The following NAALADL2 variants were observed in gnomAD, a reference collection of about 807,000 sequenced individuals.
NAALADL2 encodes N-acetylated alpha-linked acidic dipeptidase like 2, also known as inactive N-acetylated-alpha-linked acidic dipeptidase-like protein 2.
Under a neutral mutation model 87.2 loss-of-function variants are expected in NAALADL2, and 76 were observed. That is an observed-to-expected ratio of 0.87 (90% CI 0.72 to 1.05). The LOEUF (loss-of-function observed/expected upper bound fraction) is 1.05. Ranked by LOEUF, NAALADL2 falls within the 50% of genes least tolerant of loss-of-function variation. The pLI, the probability that NAALADL2 is intolerant of heterozygous loss-of-function variation, is 0.00. For missense variants in NAALADL2, 1,089 were observed against 945.8 expected (o/e 1.15, Z -1.99); for synonymous variants, 354 against 331.0 (o/e 1.07, Z -0.75).
chr3:174,592,955 G>C (rs771210506), intron 2 of NAALADL2, among the ~76,000 whole-genome samples: 1 of 152,040 alleles, frequency 6.6e-6, no homozygotes, highest in Non-Finnish European at 1.5e-5. Flanking sequence ...AAGAAAGGAA[G>C]AGGTAGAGAG....
chr3:175,249,494 C>T (rs945104162), intron 3 of NAALADL2, among the ~76,000 whole-genome samples: 1 of 152,034 alleles, frequency 6.6e-6, no homozygotes, highest in African/African-American at 2.4e-5. Context: ...TATTCTCTAT[C>T]ACTGATGATA....
At chr3:174,837,688 G>A (rs1323103400) in intron 3 of NAALADL2, among the ~76,000 whole-genome samples, 1 of 152,006 alleles carries the variant, frequency 6.6e-6, no homozygotes, top group East Asian at 1.9e-4. Flanking sequence ...CAGCTACTCG[G>A]GAGGCTGAGG....
At chr3:175,631,531 G>A (rs188050319) in intron 11 of NAALADL2, among the ~76,000 whole-genome samples, 23 of 150,926 alleles carry the variant, frequency 1.5e-4, no homozygotes, top group East Asian at 9.8e-4. Context: ...AGAAAGTAAC[G>A]AATGAGGCTC....
chr3:174,987,994 A>G (rs983566122), intron 1 of NAALADL2, among the ~76,000 whole-genome samples: 3 of 151,532 alleles, frequency 2.0e-5, no homozygotes, highest in East Asian at 1.9e-4. Flanking sequence ...GACCATAGCA[A>G]TGTATTTGAT....
intron 1 of NAALADL2, among the ~76,000 whole-genome samples, chr3:174,896,605 A>C (rs1283173873): frequency 6.6e-6 from 1 of 152,200 alleles, no homozygotes; most frequent in African/African-American, 2.4e-5. Context: ...AGCACTTTAC[A>C]GATTCAATGT....
intron 2 of NAALADL2, among the ~76,000 whole-genome samples, chr3:175,142,038 A>C (rs962324325): frequency 6.6e-6 from 1 of 152,108 alleles, no homozygotes; most frequent in African/African-American, 2.4e-5. Flanking sequence ...TAGGAGTTCC[A>C]GAAGTCTTAT....
At chr3:175,195,008 TTTAAC>T (rs1286176951) in intron 2 of NAALADL2, among the ~76,000 whole-genome samples, 2 of 151,590 alleles carry the variant, frequency 1.3e-5, no homozygotes, top group African/African-American at 4.8e-5. Flanking sequence ...TAAGTGGAAC[TTTAAC>T]TTAATTTTTA....
intron 3 of NAALADL2, among the ~76,000 whole-genome samples, chr3:174,843,148 T>G (rs897624160): frequency 5.3e-5 from 8 of 152,140 alleles, no homozygotes; most frequent in African/African-American, 1.9e-4. Context: ...TGTAATACAT[T>G]ATACGATATT....
chr3:175,461,002 G>A (rs1277457864), intron 6 of NAALADL2, among the ~76,000 whole-genome samples: 1 of 152,194 alleles, frequency 6.6e-6, no homozygotes, highest in Middle Eastern at 3.2e-3. Context: ...TTTACTGAGT[G>A]CTGATTGGTC....
intron 2 of NAALADL2, among the ~76,000 whole-genome samples, chr3:174,601,738 AG>A (rs1217461128): frequency 6.6e-6 from 1 of 151,950 alleles, no homozygotes; most frequent in Non-Finnish European, 1.5e-5. Context: ...TGTCCTGGAG[AG>A]TTTCTCCAAT....
At chr3:175,182,297 G>C (rs944165807) in intron 2 of NAALADL2, among the ~76,000 whole-genome samples, 5 of 151,914 alleles carry the variant, frequency 3.3e-5, no homozygotes, top group African/African-American at 1.2e-4. Flanking sequence ...TTGGATACTA[G>C]CTCTTTACCA....
intron 12 of NAALADL2, among the ~76,000 whole-genome samples, chr3:175,737,714 GTT>G (rs71164650): frequency 0.034 from 1,867 of 54,426 alleles, 17 homozygotes; most frequent in South Asian, 0.074. Context: ...CAATGATCCA[GTT>G]TTTTTTTTTT....
At chr3:175,740,119 C>G (rs183961553) in intron 12 of NAALADL2, among the ~76,000 whole-genome samples, 249 of 151,652 alleles carry the variant, frequency 1.6e-3, no homozygotes, top group African/African-American at 5.8e-3. Context: ...GAGGAGTGGC[C>G]AAAAAATAAT....
intron 3 of NAALADL2, among the ~76,000 whole-genome samples, chr3:175,248,485 C>G (rs1198706579): frequency 6.6e-6 from 1 of 152,078 alleles, no homozygotes; most frequent in Non-Finnish European, 1.5e-5. Context: ...GAGTCCCTAG[C>G]TAATTTCAAC....
intron 1 of NAALADL2, among the ~76,000 whole-genome samples, chr3:174,471,981 A>G (rs1041832988): frequency 6.6e-6 from 1 of 152,138 alleles, no homozygotes; most frequent in Non-Finnish European, 1.5e-5. Flanking sequence ...TCTAAATAAT[A>G]ATTTTTAAAA....
rs971229031 is a variant in NAALADL2, at chr3:174,610,723, G to T, written c.-115+60086G>T. ...ACACTTTTACACTGTTGTTGGGACC[G>T]TAAACTAGTTCAACCATTGTGCAAT... On this transcript the variant is annotated intron_variant, in intron 2 of 3. Transcript: ENST00000434257. Among the ~76,000 whole-genome samples the T allele has an allele frequency of 3.2e-5, 4 of 123,822 alleles. No homozygotes were observed. In the East Asian group the frequency reaches 1.2e-3, roughly 36 times the overall value. The allele number at this position is 123,822 out of a possible 152,430, so 81.2% of individuals were successfully genotyped here.
chr3:175,383,137 T>C (rs1204250793), intron 5 of NAALADL2, among the ~76,000 whole-genome samples: 1 of 152,064 alleles, frequency 6.6e-6, no homozygotes, highest in Non-Finnish European at 1.5e-5. Flanking sequence ...ATAAGAGTAA[T>C]TGGGATATCA....
At position 174,997,173 on chromosome 3, in the gene NAALADL2, CT is replaced by C. The variant is rs533382734; in HGVS notation, c.44-99610del. On this transcript the variant is annotated intron_variant, in intron 1 of 13. Coordinates refer to ENST00000454872, the MANE Select transcript of NAALADL2 (RefSeq NM_207015.3). The stretch of plus-strand genomic sequence containing the variant: ...TGCATGTGTCTTTTTCATATAATGA[CT>C]TTTTTTCCTTTGGATAGATATCCAG... Among the ~76,000 whole-genome samples the C allele has an allele frequency of 2.0e-3, 301 of 151,828 alleles. 4 individuals are homozygous for C. Among genetic ancestry groups the C allele is most frequent in the African/African-American group, 6.1e-3 (254 of 41,418 alleles).
chr3:175,019,161 G>T (rs1300862027), intron 1 of NAALADL2, among the ~76,000 whole-genome samples: 1 of 151,896 alleles, frequency 6.6e-6, no homozygotes, highest in East Asian at 1.9e-4. Context: ...CAGTTATGTG[G>T]ACTATGCTGC....
Sources: gnomAD v4.1 joint callset for allele counts (sites outside exome capture counted in the v4.1 genomes callset) on GRCh38, gnomAD v4.1.1 for gene constraint, MANE v1.5 for transcripts, NCBI Gene and HGNC (gene_info 2026-07-23, HGNC 2026-07-21) for gene names.